The following DNAJC3 variants were observed in gnomAD, a reference collection of about 807,000 sequenced individuals.
DNAJC3 encodes the protein DnaJ heat shock protein family (Hsp40) member C3.
DNAJC3 carries 38 observed loss-of-function variants against 68.6 expected under a neutral mutation model. The observed-to-expected ratio is 0.55, with a 90% confidence interval of 0.43 to 0.73. DNAJC3 has a LOEUF of 0.73. DNAJC3 is among the 30% of genes least tolerant of loss of function. The pLI is 0.00. For missense variants in DNAJC3, 526 were observed against 591.9 expected, an observed-to-expected ratio of 0.89 and a Z score of 1.16; for synonymous variants, 203 against 204.0, an observed-to-expected ratio of 1.00 and a Z score of 0.04.
intron 1 of DNAJC3, among the ~76,000 whole-genome samples, chr13:95,683,432 T>C (rs1021622235): frequency 3.3e-5 from 5 of 152,292 alleles, no homozygotes; most frequent in African/African-American, 9.6e-5. Context: ...GTTATTGTGA[T>C]AGAATTCTCA....
chr13:95,774,203 T>G (rs1883240161), intron 9 of DNAJC3, among the ~76,000 whole-genome samples: 1 of 152,232 alleles, frequency 6.6e-6, no homozygotes, highest in South Asian at 2.1e-4. Context: ...TTTTTAAATA[T>G]AAGCATTTAA....
At chr13:95,783,108 TTTG>T (rs902414303) in intron 9 of DNAJC3, among the ~76,000 whole-genome samples, 2 of 152,088 alleles carry the variant, frequency 1.3e-5, no homozygotes, top group African/African-American at 4.8e-5. Context: ...TATTGGGTGT[TTTG>T]TTTTGTTTTG....
chr13:95,771,811 C>G (rs961751553), intron 9 of DNAJC3, among the ~76,000 whole-genome samples: 2 of 144,642 alleles, frequency 1.4e-5, no homozygotes, highest in African/African-American at 2.5e-5. Flanking sequence ...CCACAGGCAA[C>G]TCTGTTCTGA....
At chr13:95,750,436 T>C (rs1882440135) in intron 4 of DNAJC3, among the ~76,000 whole-genome samples, 1 of 152,146 alleles carries the variant, frequency 6.6e-6, no homozygotes, top group Non-Finnish European at 1.5e-5. Flanking sequence ...TCCATCGTCA[T>C]CTATAGCATG....
At chr13:95,760,844 G>A (rs764434574) in intron 7 of DNAJC3, 46 bp downstream of exon 7, 3 of 1,588,670 alleles carry the variant, frequency 1.9e-6, no homozygotes, top group Non-Finnish European at 2.6e-6. Flanking sequence ...CTTATGTGCG[G>A]GGCTGTGGGC....
At chr13:95,769,036 AT>A (rs1212490111) in intron 9 of DNAJC3, among the ~76,000 whole-genome samples, 8 of 123,846 alleles carry the variant, frequency 6.5e-5, no homozygotes, top group Admixed American at 3.2e-4. Context: ...TATCTAATCT[AT>A]ATCTATATCT....
chr13:95,749,648 G>C (rs1489885479), intron 4 of DNAJC3, among the ~76,000 whole-genome samples: 4 of 152,124 alleles, frequency 2.6e-5, no homozygotes, highest in Admixed American at 2.6e-4. Context: ...TGATGGATTG[G>C]AGACATCTAA....
chr13:95,761,799 A>G (rs553118183), intron 7 of DNAJC3, among the ~76,000 whole-genome samples: 2 of 150,814 alleles, frequency 1.3e-5, no homozygotes, highest in African/African-American at 4.9e-5. Flanking sequence ...CAATCTCACT[A>G]TGTTGCCCAC....
At chr13:95,775,159 G>A (rs1003294480) in intron 9 of DNAJC3, among the ~76,000 whole-genome samples, 3 of 152,132 alleles carry the variant, frequency 2.0e-5, no homozygotes, top group Admixed American at 6.6e-5. Context: ...TAAACCCCTG[G>A]CCTCAAGCAG....
Position 95,791,278 on chromosome 13 carries a change from G to T in DNAJC3, c.*248G>T. ...TGCATCTGCTTTATGCTGTCTGGAGGGAAGTGGTCTGAGGCAGGCTCACCC... is the reference window on the plus strand; with the variant it reads ...TGCATCTGCTTTATGCTGTCTGGAGTGAAGTGGTCTGAGGCAGGCTCACCC... On this transcript the variant is annotated 3_prime_UTR_variant, in exon 12 of 12. Coordinates refer to ENST00000602402, the MANE Select transcript of DNAJC3 (RefSeq NM_006260.5). 1 of 494,702 alleles carries T rather than the reference G, an allele frequency of 2.0e-6. No individual in the cohort carries two copies. The highest frequency in any genetic ancestry group is 3.7e-5 in the Admixed American group (1 of 27,392). The allele number at this position is 494,702 out of a possible 1,614,324, so 30.6% of individuals were successfully genotyped here.
chr13:95,786,173 T>A, intron 10 of DNAJC3, 102 bp downstream of exon 10: 7 of 1,252,380 alleles, frequency 5.6e-6, no homozygotes, highest in Non-Finnish European at 7.6e-6. Context: ...TTTACTTATG[T>A]AATTTCAGTC....
chr13:95,737,026 C>T (rs368286587), intron 4 of DNAJC3, among the ~76,000 whole-genome samples: 1 of 151,834 alleles, frequency 6.6e-6, no homozygotes, highest in Non-Finnish European at 1.5e-5. Context: ...AGTTTTTAGC[C>T]TGAAGGGTTG....
At chr13:95,738,072 C>T (rs1299176566) in intron 4 of DNAJC3, among the ~76,000 whole-genome samples, 1 of 147,004 alleles carries the variant, frequency 6.8e-6, no homozygotes, top group Non-Finnish European at 1.5e-5. Context: ...GCCTTCATTT[C>T]GTTATGTACC....
At chr13:95,724,791 A>C (rs1881452152) in intron 3 of DNAJC3, among the ~76,000 whole-genome samples, 2 of 152,310 alleles carry the variant, frequency 1.3e-5, no homozygotes, top group South Asian at 4.1e-4. Context: ...TTCAAGGTTC[A>C]TTCATGTAGC....
chr13:95,705,202 C>T (rs1223358298), intron 1 of DNAJC3, among the ~76,000 whole-genome samples: 1 of 152,094 alleles, frequency 6.6e-6, no homozygotes, highest in Admixed American at 6.6e-5. Context: ...CCACCATGGC[C>T]ACTTTGTTCA....
chr13:95,729,015 T>A (rs977891575), intron 4 of DNAJC3, among the ~76,000 whole-genome samples: 1 of 152,012 alleles, frequency 6.6e-6, no homozygotes, highest in African/African-American at 2.4e-5. Context: ...TCTGTGAGAG[T>A]AACTTTTTTT....
intron 9 of DNAJC3, among the ~76,000 whole-genome samples, chr13:95,776,025 G>A (rs2139688342): frequency 6.6e-6 from 1 of 151,374 alleles, no homozygotes; most frequent in South Asian, 2.1e-4. Context: ...TTTTCACTCT[G>A]AAGATATTCT....
At chr13:95,767,800 C>T (rs1254678821) in intron 9 of DNAJC3, among the ~76,000 whole-genome samples, 2 of 151,736 alleles carry the variant, frequency 1.3e-5, no homozygotes, top group East Asian at 1.9e-4. Flanking sequence ...GCTGATTCTC[C>T]TGCCTCAGCC....
At chr13:95,691,745 T>A (rs540507317) in intron 1 of DNAJC3, among the ~76,000 whole-genome samples, 3 of 152,292 alleles carry the variant, frequency 2.0e-5, no homozygotes, top group African/African-American at 7.2e-5. Context: ...ATCACGCCAC[T>A]GCACTCCAGC....
Sources: gnomAD v4.1 joint callset for allele counts (sites outside exome capture counted in the v4.1 genomes callset) on GRCh38, gnomAD v4.1.1 for gene constraint, MANE v1.5 for transcripts, NCBI Gene and HGNC (gene_info 2026-07-23, HGNC 2026-07-21) for gene names.